The following RIPOR3 variants were observed in gnomAD, a reference collection of about 807,000 sequenced individuals.
RIPOR3 encodes the protein RIPOR family member 3, also known as family with sequence similarity 65 member C.
RIPOR3 carries 95 observed loss-of-function variants against 114.3 expected under a neutral mutation model. That is an observed-to-expected ratio of 0.83 (90% CI 0.70 to 0.99). The LOEUF is 0.99. Among genes scored for constraint, RIPOR3 ranks in the 50% least tolerant of loss-of-function variants. RIPOR3 has a pLI of 0.00. For missense variants in RIPOR3, 1,252 were observed against 1,266.9 expected (o/e 0.99, Z 0.18); for synonymous variants, 575 against 543.8 (o/e 1.06, Z -0.80).
At chr20:50,608,217 A>G (rs2083797406) in intron 11 of RIPOR3, among the ~76,000 whole-genome samples, 172 bp downstream of exon 11, 1 of 152,088 alleles carries the variant, frequency 6.6e-6, no homozygotes, top group Non-Finnish European at 1.5e-5. Flanking sequence ...GGCTACAGAG[A>G]AGTTCTAGGC....
At chr20:50,612,087 T>G (rs1445556523) in intron 4 of RIPOR3, among the ~76,000 whole-genome samples, 1 of 148,980 alleles carries the variant, frequency 6.7e-6, no homozygotes, top group Admixed American at 6.7e-5. Flanking sequence ...ACCGTGCCAC[T>G]GTACTCCAGC....
In RIPOR3 at chr20:50,608,625, G is replaced by C; in HGVS notation, c.798C>G (p.Asn266Lys). The C allele has an allele frequency of 6.2e-7, 1 of 1,614,018 alleles. No individual in the cohort carries two copies. Among genetic ancestry groups the C allele is most frequent in the Non-Finnish European group, 8.5e-7 (1 of 1,179,910 alleles). The change falls in exon 10 of 22, where the codon AAC becomes AAG. Residue 266 changes from asparagine (N) to lysine (K), a missense_variant. Asn to Lys is a moderately conservative substitution (Grantham distance 94). Transcript: ENST00000327979. ...EKAFIPTLHE[N>K]LDIKVTELRG... ...GCCCCATCCCCACCTTGATGTCCAGGTTCTCATGCAGCGTGGGGATGAAGG... is the reference window on the plus strand; with the variant it reads ...GCCCCATCCCCACCTTGATGTCCAGCTTCTCATGCAGCGTGGGGATGAAGG...
At chr20:50,630,621 C>T (rs1004016294) in intron 2 of RIPOR3, 117 bp downstream of exon 2, 4 of 790,028 alleles carry the variant, frequency 5.1e-6, no homozygotes, top group Non-Finnish European at 8.1e-6. Context: ...GGCTGCAAGC[C>T]GGCCTGAGAG....
Position 50,594,732 on chromosome 20 carries a change from G to A in RIPOR3, c.2051-18C>T. 2 of 1,601,922 alleles carry A rather than the reference G, an allele frequency of 1.2e-6. No individual in the cohort carries two copies. Among genetic ancestry groups the A allele is most frequent in the Non-Finnish European group, 1.7e-6 (2 of 1,171,144 alleles). On this transcript the variant is annotated intron_variant, in intron 16 of 21. Coordinates refer to ENST00000327979, the MANE Select transcript of RIPOR3 (RefSeq NM_001290268.2). The stretch of plus-strand genomic sequence containing the variant: ...TGGGATGACTGAAAGCCCCAGTTCA[G>A]AAACCTGAATGGTGACTCGGGGAGA...
intron 20 of RIPOR3, among the ~76,000 whole-genome samples, chr20:50,588,748 TGA>T (rs1491419619): frequency 3.2e-4 from 28 of 86,194 alleles, no homozygotes; most frequent in Non-Finnish European, 5.3e-4. Flanking sequence ...AATTCTCAAG[TGA>T]AAAAAAAAAA....
At chr20:50,679,174 AG>A (rs2086778514) in intron 1 of RIPOR3, among the ~76,000 whole-genome samples, 1 of 137,906 alleles carries the variant, frequency 7.3e-6, no homozygotes, top group South Asian at 2.4e-4. Context: ...ACAGAGAGAG[AG>A]AGATACACAT....
intron 1 of RIPOR3, among the ~76,000 whole-genome samples, chr20:50,648,303 G>A (rs1440455593): frequency 1.3e-5 from 2 of 151,050 alleles, no homozygotes; most frequent in African/African-American, 4.9e-5. Context: ...AAAAATCCAG[G>A]GTACTCTATG....
chr20:50,623,393 G>A (rs80325075), intron 2 of RIPOR3, among the ~76,000 whole-genome samples: 101 of 152,248 alleles, frequency 6.6e-4, no homozygotes, highest in African/African-American at 2.1e-3. Flanking sequence ...CAGGCAGAGC[G>A]GGATAGCGAG....
intron 4 of RIPOR3, among the ~76,000 whole-genome samples, chr20:50,615,108 A>AGAGTGTGTGTGTGTGT (rs74175509): frequency 7.2e-6 from 1 of 138,414 alleles, no homozygotes; most frequent in Non-Finnish European, 1.5e-5. Context: ...GCTATTTGTG[A>AGAGTGTGTGTGTGTGT]GTGTGTGTGT....
chr20:50,689,789 C>T (rs964060109), intron 1 of RIPOR3, among the ~76,000 whole-genome samples: 2 of 152,012 alleles, frequency 1.3e-5, no homozygotes, highest in Admixed American at 1.3e-4. Flanking sequence ...CTGACTTGTC[C>T]CCAAGGTGGG....
At position 50,609,074 on chromosome 20, in the gene RIPOR3, G is replaced by A. The variant is rs548072408; in HGVS notation, c.641-119C>T. On this transcript the variant is annotated intron_variant, in intron 8 of 21. Transcript: ENST00000327979. ...TTCAGTTTCAGTGGGGTGAGGATGG[G>A]GGGGAGGTACACCATCATGATGGAA... The A allele has an allele frequency of 2.2e-5, 31 of 1,400,486 alleles. 1 individual carries two copies. In the South Asian group the frequency reaches 2.6e-4, roughly 12 times the overall value. 86.8% of individuals were successfully genotyped at this position (1,400,486 alleles called of 1,614,324 possible).
chr20:50,608,450 C>T lies in RIPOR3; in HGVS notation c.895G>A (p.Val299Ile). ...AACTCCGTGATGTCCACCACGATGACCTGCGGCCGCGTCGTGAAGAAGTCG... is the reference window on the plus strand; with the variant it reads ...AACTCCGTGATGTCCACCACGATGATCTGCGGCCGCGTCGTGAAGAAGTCG... ...IADFFTTRPQVIVVDITELGT... is the reference protein window; with the variant it reads ...IADFFTTRPQIIVVDITELGT... Residue 299 changes from valine (V) to isoleucine (I), a missense_variant, in exon 11 of 22, where the codon GTC (valine) becomes ATC (isoleucine). Val to Ile is a conservative substitution (Grantham distance 29). Transcript: ENST00000327979. 1.9e-6 allele frequency: 3 copies of T among 1,614,020 alleles called. No homozygotes were observed. Among genetic ancestry groups the T allele is most frequent in the Non-Finnish European group, 2.5e-6 (3 of 1,179,958 alleles).
In RIPOR3 at chr20:50,615,251, C is replaced by G. The variant is rs116028359; in HGVS notation, c.348+751G>C. 5.3e-3 allele frequency among the ~76,000 whole-genome samples: 798 copies of G among 151,864 alleles called. 14 individuals carry two copies. The highest frequency in any genetic ancestry group is 0.018 in the African/African-American group (741 of 41,372). On this transcript the variant is annotated intron_variant, in intron 4 of 21. Transcript: ENST00000327979. ...CTGAAAGACACTGCCTTGGCTGGCA[C>G]AGTGCCTCACACCTGTAATCCCAGC...
At position 50,592,523 on chromosome 20, in the gene RIPOR3, A is replaced by G. The variant is rs763167019; in HGVS notation, c.2398T>C (p.Cys800Arg). ...CGGACCACCTTGGCCTGTCCCGCAC[A>G]GTGAAGCTCCTCGATGAGTGTCACT... is the stretch of plus-strand genomic sequence containing the variant. ...KEVTLIEELH[C>R]AGQAKVVRKL... is the part of the protein sequence containing the mutation. The change falls in exon 19 of 22, where the codon TGT becomes CGT. Residue 800 changes from cysteine to arginine, a missense_variant. By Grantham distance (180) the Cys-to-Arg change is radical. Transcript: ENST00000327979. 4 of 1,575,190 alleles carry G rather than the reference A, an allele frequency of 2.5e-6. No homozygotes were observed. The South Asian group carries it at 3.5e-5, about 14-fold the overall frequency.
chr20:50,623,206 G>A (rs1298197064), intron 2 of RIPOR3, among the ~76,000 whole-genome samples: 3 of 149,778 alleles, frequency 2.0e-5, no homozygotes, highest in African/African-American at 7.3e-5. Context: ...GTTGCAGTGA[G>A]CCGAGATCAT....
At chr20:50,587,727 G>T in intron 21 of RIPOR3, 75 bp downstream of exon 21, 1 of 1,426,126 alleles carries the variant, frequency 7.0e-7, no homozygotes, top group Admixed American at 1.8e-5. Context: ...TGCTGGGAGA[G>T]CTGGGTGTGG....
chr20:50,616,094 A>G lies in RIPOR3; in HGVS notation c.270-14T>C, dbSNP rs1161548829. 1.2e-6 allele frequency: 2 copies of G among 1,609,032 alleles called. No individual in the cohort carries two copies. Among genetic ancestry groups the G allele is most frequent in the Non-Finnish European group, 8.5e-7 (1 of 1,177,712 alleles). The stretch of plus-strand genomic sequence containing the variant: ...CACAGATACTCCCTGCAAGGAAAGC[A>G]AGGAAGAGTTTCAAATGGAAGAGGA... On this transcript the variant is annotated splice_polypyrimidine_tract_variant and intron_variant, in intron 3 of 21. Transcript: ENST00000327979.
chr20:50,670,012 C>T (rs972289974), intron 1 of RIPOR3, among the ~76,000 whole-genome samples: 2 of 75,320 alleles, frequency 2.7e-5, no homozygotes, highest in Non-Finnish European at 6.4e-5. Context: ...CAAAAATTAG[C>T]CGGGCGTGGT....
chr20:50,605,163 G>T (rs770275912), intron 11 of RIPOR3, among the ~76,000 whole-genome samples: 12 of 152,068 alleles, frequency 7.9e-5, no homozygotes, highest in Non-Finnish European at 1.8e-4. Context: ...GAACTTCTGG[G>T]CTCAAGCAAT....
Sources: gnomAD v4.1 joint callset for allele counts (sites outside exome capture counted in the v4.1 genomes callset) on GRCh38, gnomAD v4.1.1 for gene constraint, MANE v1.5 for transcripts, NCBI Gene and HGNC (gene_info 2026-07-23, HGNC 2026-07-21) for gene names.